FAM13B: variants seen among roughly 807,000 people sequenced by gnomAD.
FAM13B encodes family with sequence similarity 13 member B.
FAM13B carries 60 observed loss-of-function variants against 117.3 expected under a neutral mutation model. That is an observed-to-expected ratio of 0.51 (90% CI 0.42 to 0.63). FAM13B has a LOEUF of 0.63. Among genes scored for constraint, FAM13B ranks in the 30% least tolerant of loss-of-function variants. The pLI is 0.00. For missense variants in FAM13B, 972 were observed against 1,091.9 expected (o/e 0.89, Z 1.55); for synonymous variants, 332 against 356.1 (o/e 0.93, Z 0.76).
At chr5:137,957,109 A>G (rs898264081) in intron 13 of FAM13B, among the ~76,000 whole-genome samples, 2 of 152,262 alleles carry the variant, frequency 1.3e-5, no homozygotes, top group Admixed American at 6.5e-5. Flanking sequence ...GTACTTAGGA[A>G]TAGTGACATA....
intron 14 of FAM13B, 140 bp downstream of exon 14, chr5:137,956,337 T>C (rs532911922): frequency 2.1e-5 from 9 of 439,012 alleles, no homozygotes; most frequent in Non-Finnish European, 3.3e-5. Flanking sequence ...ACAAAAGTAA[T>C]AGCAATTTTT....
In FAM13B at chr5:137,959,651, T is replaced by C. The variant is rs747578475; in HGVS notation, c.1406A>G (p.Asp469Gly). The change falls in exon 13 of 24, where the codon GAT becomes GGT. Residue 469 changes from aspartate to glycine, a missense_variant. By Grantham distance (94) the Asp-to-Gly change is moderately conservative. Coordinates refer to ENST00000689681, the MANE Select transcript of FAM13B (RefSeq NM_001385994.1). ...EAACVSIPHL[D>G]LKNVSDGDKW... ...ATCACCATCAGAAACATTCTTCAGA[T>C]CTAAATGTGGAATACTGACACACGC... is the stretch of plus-strand genomic sequence containing the variant. 3 of 1,613,850 alleles carry C rather than the reference T, an allele frequency of 1.9e-6. No homozygotes were observed. The African/African-American group carries it at 4.0e-5, about 22-fold the overall frequency.
chr5:137,941,902 T>C (rs1581032497), intron 23 of FAM13B, 42 bp downstream of exon 23: 1 of 1,472,540 alleles, frequency 6.8e-7, no homozygotes, highest in East Asian at 2.3e-5. Context: ...AGTTTGTGAG[T>C]TAGAGAAGAA....
intron 1 of FAM13B, among the ~76,000 whole-genome samples, chr5:138,025,724 A>G (rs1788189095): frequency 6.6e-6 from 1 of 152,160 alleles, no homozygotes; most frequent in Admixed American, 6.6e-5. Context: ...TACAGATTCA[A>G]TGCACTCCCC....
At chr5:138,023,570 G>C (rs1210636163) in intron 1 of FAM13B, among the ~76,000 whole-genome samples, 1 of 151,986 alleles carries the variant, frequency 6.6e-6, no homozygotes, top group East Asian at 1.9e-4. Flanking sequence ...ACATTCTGGC[G>C]CTCAAACTGG....
intron 10 of FAM13B, among the ~76,000 whole-genome samples, chr5:137,966,488 T>TATATATATATAGAGAGAG (rs1461425784): frequency 6.8e-5 from 2 of 29,480 alleles, no homozygotes; most frequent in African/African-American, 1.3e-4. Flanking sequence ...TATATATATA[T>TATATATATATAGAGAGAG]AGAGAGAGAG....
intron 23 of FAM13B, among the ~76,000 whole-genome samples, chr5:137,941,409 T>C (rs917252856): frequency 3.9e-5 from 6 of 152,196 alleles, no homozygotes; most frequent in African/African-American, 1.2e-4. Flanking sequence ...GAATGTATTT[T>C]TCTTAGTTTT....
chr5:137,995,910 A>G (rs557490608), intron 7 of FAM13B, among the ~76,000 whole-genome samples: 1 of 152,322 alleles, frequency 6.6e-6, no homozygotes, highest in South Asian at 2.1e-4. Flanking sequence ...TTACTGCCCA[A>G]CATTTCTGGT....
chr5:138,039,405 C>T (rs979937711), intron 1 of FAM13B: 1 of 152,098 alleles, frequency 6.6e-6, no homozygotes, highest in Non-Finnish European at 1.5e-5. Flanking sequence ...CTTACAGGCT[C>T]TAGGCTTTTG....
At chr5:138,047,139 G>A (rs1307936868) in intron 1 of FAM13B, among the ~76,000 whole-genome samples, 2 of 152,138 alleles carry the variant, frequency 1.3e-5, no homozygotes, top group African/African-American at 2.4e-5. Context: ...TTTTTAGTTG[G>A]GGGGCAGAAC....
At chr5:137,992,413 G>A (rs1205695876) in intron 7 of FAM13B, among the ~76,000 whole-genome samples, 4 of 151,168 alleles carry the variant, frequency 2.6e-5, no homozygotes, top group Non-Finnish European at 5.9e-5. Flanking sequence ...GACCAACATG[G>A]AGAAACCCCG....
upstream of FAM13B, among the ~76,000 whole-genome samples, chr5:138,037,598 C>T (rs2151121016): frequency 6.6e-6 from 1 of 152,124 alleles, no homozygotes; most frequent in Non-Finnish European, 1.5e-5. Context: ...ATGAGTTTGA[C>T]TGAATTCATC....
chr5:137,962,218 C>T (rs1340539893), intron 11 of FAM13B, among the ~76,000 whole-genome samples, 187 bp downstream of exon 11: 2 of 152,168 alleles, frequency 1.3e-5, no homozygotes, highest in African/African-American at 4.8e-5. Context: ...ACTGTCTGAA[C>T]CTGTACAAAT....
intron 6 of FAM13B, 115 bp from the exon 7 acceptor site, chr5:138,007,262 T>C: frequency 1.3e-6 from 1 of 794,008 alleles, no homozygotes; most frequent in Admixed American, 3.4e-5. Context: ...TTTCCTCATT[T>C]CCTAGGACCA....
At chr5:138,032,379 T>A (rs1258636137) in intron 1 of FAM13B, among the ~76,000 whole-genome samples, 2 of 152,200 alleles carry the variant, frequency 1.3e-5, no homozygotes, top group East Asian at 3.9e-4. Flanking sequence ...TCCTTTTTCT[T>A]CTACATCAAC....
At chr5:138,012,303 A>G (rs78878306) in intron 4 of FAM13B, among the ~76,000 whole-genome samples, 1,597 of 151,224 alleles carry the variant, frequency 0.011, 31 homozygotes, top group African/African-American at 0.037. Context: ...CAACTATAAG[A>G]AGTCAAAATG....
chr5:137,972,413 T>G (rs1772485119), intron 10 of FAM13B, among the ~76,000 whole-genome samples: 1 of 152,016 alleles, frequency 6.6e-6, no homozygotes, highest in African/African-American at 2.4e-5. Flanking sequence ...TTCAACAACC[T>G]TCATGCTAAA....
chr5:137,986,840 T>C (rs981083712), intron 9 of FAM13B, among the ~76,000 whole-genome samples: 1 of 152,232 alleles, frequency 6.6e-6, no homozygotes, highest in South Asian at 2.1e-4. Flanking sequence ...CTGGCATCCC[T>C]AATCTGAAAA....
chr5:137,967,241 T>C (rs372277499), intron 10 of FAM13B, among the ~76,000 whole-genome samples: 10 of 152,162 alleles, frequency 6.6e-5, no homozygotes, highest in African/African-American at 2.2e-4. Context: ...AAATAAAAAA[T>C]ATGGCCAGGC....
Sources: gnomAD v4.1 joint callset for allele counts (sites outside exome capture counted in the v4.1 genomes callset) on GRCh38, gnomAD v4.1.1 for gene constraint, MANE v1.5 for transcripts, NCBI Gene and HGNC (gene_info 2026-07-23, HGNC 2026-07-21) for gene names.